Variants in KLHL14 observed in about 807,000 individuals in gnomAD.
The protein encoded by KLHL14 is kelch like family member 14.
In KLHL14, 22 loss-of-function variants were observed where a neutral mutation model predicts 64.3. The observed-to-expected ratio is 0.34, with a 90% CI of 0.24 to 0.49. KLHL14 has a LOEUF of 0.49. Ranked by LOEUF, KLHL14 falls within the 20% of genes least tolerant of loss-of-function variation. The pLI is 0.99. For missense variants in KLHL14, 661 were observed against 789.0 expected, an observed-to-expected ratio of 0.84 and a Z score of 1.94; for synonymous variants, 322 against 333.4, an observed-to-expected ratio of 0.97 and a Z score of 0.37.
chr18:32,688,464 G>T (rs1297837367), intron 4 of KLHL14, among the ~76,000 whole-genome samples: 2 of 152,198 alleles, frequency 1.3e-5, no homozygotes, highest in Admixed American at 6.5e-5. Context: ...ATCAAGTAGC[G>T]ATGAACGCTA....
chr18:32,677,471 G>C, intron 7 of KLHL14, 141 bp from the exon 8 acceptor site: 1 of 773,490 alleles, frequency 1.3e-6, no homozygotes, highest in Non-Finnish European at 2.0e-6. Flanking sequence ...AATTCACTGA[G>C]ATTGGGAGAA....
At position 32,680,777 on chromosome 18, in the gene KLHL14, A is replaced by G. The variant is rs966421093; in HGVS notation, c.1239-178T>C. Among the ~76,000 whole-genome samples, 2 of 152,196 alleles carry G rather than the reference A, an allele frequency of 1.3e-5. No individual in the cohort carries two copies. Among genetic ancestry groups the G allele is most frequent in the East Asian group, 1.9e-4 (1 of 5,196 alleles). On this transcript the variant is annotated intron_variant, in intron 5 of 8. Coordinates refer to ENST00000359358, the MANE Select transcript of KLHL14 (RefSeq NM_020805.3). The surrounding 1 kb of genome is among the most constrained non-coding windows in gnomAD (Gnocchi z 4.8). Reference sequence around the variant, plus strand: ...AATTCTGAGACCTTCTACAGTAATCATATGTATTGCCCTTCCTGGTTAATA... The same window carrying G: ...AATTCTGAGACCTTCTACAGTAATCGTATGTATTGCCCTTCCTGGTTAATA...
intron 2 of KLHL14, among the ~76,000 whole-genome samples, chr18:32,762,141 A>G (rs2050317748): frequency 6.6e-6 from 1 of 152,134 alleles, no homozygotes; most frequent in Non-Finnish European, 1.5e-5. Context: ...TTACATATAC[A>G]TAGTTATTGA....
chr18:32,680,701 T>C lies in KLHL14; in HGVS notation c.1239-102A>G. 2.6e-6 allele frequency: 3 copies of C among 1,144,698 alleles called. No individual in the cohort carries two copies. Among genetic ancestry groups the C allele is most frequent in the South Asian group, 1.5e-5 (1 of 65,090 alleles). The allele number at this position is 1,144,698 out of a possible 1,614,324, so 70.9% of individuals were successfully genotyped here. A position where few individuals can be genotyped will look rare whatever the true frequency, so the allele number is the denominator to read the frequency against. On this transcript the variant is annotated intron_variant, in intron 5 of 8. Coordinates refer to ENST00000359358, the MANE Select transcript of KLHL14 (RefSeq NM_020805.3). This position sits in a 1 kb window ranked among gnomAD's most constrained non-coding sequence, Gnocchi z 4.8. Reference sequence around the variant, plus strand: ...ACAGCTAGTCAGGGAAAGGGGTGCATTCTGCTTCAGAAAGGGTTGCAAATC... The same window carrying C: ...ACAGCTAGTCAGGGAAAGGGGTGCACTCTGCTTCAGAAAGGGTTGCAAATC...
At chr18:32,734,311 C>T (rs2050152197) in intron 3 of KLHL14, 3 of 693,522 alleles carry the variant, frequency 4.3e-6, no homozygotes, top group South Asian at 1.5e-5. Context: ...TTTCTTCTCC[C>T]TGCTGCATCC....
chr18:32,674,816 G>C lies in KLHL14; in HGVS notation c.1747-19C>G, dbSNP rs1333509792. On this transcript the variant is annotated intron_variant, in intron 8 of 8. Transcript: ENST00000359358. ...AGGCCCCCTGTAATGACAGAGGAGG[G>C]AGCATTTAGAGAAGGAAGCTAGAGA... The C allele has an allele frequency of 1.3e-6, 1 of 777,278 alleles. No individual in the cohort carries two copies. The highest frequency in any genetic ancestry group is 1.7e-5 in the Admixed American group (1 of 58,796). 48.1% of individuals were successfully genotyped at this position (777,278 alleles called of 1,614,324 possible).
chr18:32,705,104 C>T (rs2049983749), intron 3 of KLHL14, among the ~76,000 whole-genome samples: 1 of 152,168 alleles, frequency 6.6e-6, no homozygotes, highest in South Asian at 2.1e-4. Context: ...AGTGCCAGGC[C>T]TTGGGCAAGG....
intron 3 of KLHL14, among the ~76,000 whole-genome samples, chr18:32,735,260 G>C (rs1387499904): frequency 6.6e-6 from 1 of 152,082 alleles, no homozygotes; most frequent in Non-Finnish European, 1.5e-5. Context: ...TGTGGGATCT[G>C]GAGCAGCACA....
At chr18:32,690,520 G>T (rs191528627) in intron 4 of KLHL14, among the ~76,000 whole-genome samples, 1 of 152,228 alleles carries the variant, frequency 6.6e-6, no homozygotes, top group East Asian at 1.9e-4. Context: ...TTTGAAGTCA[G>T]GAGTTCGAGA....
chr18:32,693,413 C>CACACACACACACACACAGAGAG (rs1229737083), intron 4 of KLHL14, among the ~76,000 whole-genome samples: 1 of 97,018 alleles, frequency 1.0e-5, no homozygotes, highest in African/African-American at 4.8e-5. Context: ...CACACACACA[C>CACACACACACACACACAGAGAG]AGAGAGAGAG....
chr18:32,721,913 G>A (rs1406268310), intron 3 of KLHL14, among the ~76,000 whole-genome samples: 1 of 152,064 alleles, frequency 6.6e-6, no homozygotes, highest in Non-Finnish European at 1.5e-5. Context: ...GTTTGGCTCA[G>A]CGTCTCCACC....
Position 32,770,297 on chromosome 18 carries a change from GCGGCTGCTGCTGCTGTGA to G in KLHL14, c.277_294del (p.Ser93_Pro98del), listed in dbSNP as rs747624976. The G allele has an allele frequency of 2.2e-5, 35 of 1,587,010 alleles. No homozygotes were observed. The highest frequency in any genetic ancestry group is 1.5e-4 in the South Asian group (13 of 85,696). ...GGAGTCCCGGGCTCCTCCTGCGGCG[GCGGCTGCTGCTGCTGTGA>G]CGGCTGCTGCTGCGGCGGCTGCTGC... On this transcript the variant is annotated inframe_deletion, in exon 2 of 9. Transcript: ENST00000359358. This position sits in a 1 kb window ranked among gnomAD's most constrained non-coding sequence, Gnocchi z 6.7.
intron 4 of KLHL14, among the ~76,000 whole-genome samples, chr18:32,693,413 C>CACACAGAGAGAGAGAGAG (rs1229737083): frequency 7.2e-5 from 7 of 97,030 alleles, no homozygotes; most frequent in African/African-American, 3.4e-4. Context: ...CACACACACA[C>CACACAGAGAGAGAGAGAG]AGAGAGAGAG....
chr18:32,762,052 G>A (rs577932026), intron 2 of KLHL14, among the ~76,000 whole-genome samples: 10 of 151,762 alleles, frequency 6.6e-5, no homozygotes, highest in East Asian at 1.9e-4. Flanking sequence ...TTTGAACTCC[G>A]AGACTTCTGA....
At chr18:32,742,150 A>G (rs1235871778) in intron 2 of KLHL14, 101 bp from the exon 3 acceptor site, 11 of 1,340,490 alleles carry the variant, frequency 8.2e-6, no homozygotes, top group Admixed American at 2.4e-5. Flanking sequence ...TTGCTTGCAG[A>G]TATCTGTTTC....
chr18:32,719,248 G>A (rs1284451172), intron 3 of KLHL14, among the ~76,000 whole-genome samples: 1 of 152,222 alleles, frequency 6.6e-6, no homozygotes, highest in Non-Finnish European at 1.5e-5. Flanking sequence ...GCGCCCAGCT[G>A]GAAACCTGCA....
chr18:32,737,577 G>T (rs949498012), intron 3 of KLHL14: 1 of 152,106 alleles, frequency 6.6e-6, no homozygotes, highest in African/African-American at 2.4e-5. Flanking sequence ...ACCATTTATA[G>T]AAAGTATAGT....
intron 3 of KLHL14, chr18:32,733,928 G>T: frequency 5.7e-6 from 3 of 530,516 alleles, no homozygotes; most frequent in Non-Finnish European, 1.0e-5. Context: ...GGTGCATTAT[G>T]TGTGAGGGAC....
chr18:32,708,275 C>T (rs918391278), intron 3 of KLHL14, among the ~76,000 whole-genome samples: 1 of 152,156 alleles, frequency 6.6e-6, no homozygotes, highest in African/African-American at 2.4e-5. Flanking sequence ...AGCACCATCC[C>T]ACCAGAGGTG....
Sources: allele counts gnomAD v4.1 joint callset (sites outside exome capture counted in the v4.1 genomes callset), GRCh38; gene constraint gnomAD v4.1.1; non-coding constraint Gnocchi (gnomAD v3.1); transcripts MANE v1.5; gene names NCBI Gene and HGNC (gene_info 2026-07-23, HGNC 2026-07-21).